The following OSBPL9 variants were observed in gnomAD, a reference collection of about 807,000 sequenced individuals.
The protein encoded by OSBPL9 is oxysterol binding protein like 9, also known as oxysterol-binding protein-related protein 9.
In OSBPL9, 40 loss-of-function variants were observed where a neutral mutation model predicts 106.6. The observed-to-expected ratio is 0.38, with a 90% CI of 0.29 to 0.49. OSBPL9 has a LOEUF of 0.49. OSBPL9 is among the 20% of genes least tolerant of loss of function. The probability of loss-of-function intolerance (pLI) is 0.97; values close to 1 mark genes in which losing one functional copy is unlikely to be tolerated. For synonymous variants in OSBPL9, 269 were observed against 295.4 expected (o/e 0.91, Z 0.92); for missense variants, 609 against 887.2 (o/e 0.69, Z 3.98).
At chr1:51,606,998 C>T (rs1038247013) in intron 2 of OSBPL9, among the ~76,000 whole-genome samples, 1 of 151,102 alleles carries the variant, frequency 6.6e-6, no homozygotes, top group Non-Finnish European at 1.5e-5. Context: ...TGCAGTGAGC[C>T]GAGATCGCGC....
chr1:51,612,002 A>G (rs1321207330), intron 2 of OSBPL9, among the ~76,000 whole-genome samples: 1 of 152,172 alleles, frequency 6.6e-6, no homozygotes, highest in Non-Finnish European at 1.5e-5. Context: ...AAATACATAC[A>G]TACAAAACAA....
At chr1:51,659,971 T>C (rs1335231656) in intron 2 of OSBPL9, among the ~76,000 whole-genome samples, 2 of 152,080 alleles carry the variant, frequency 1.3e-5, no homozygotes, top group Non-Finnish European at 2.9e-5. Context: ...GGTGGTGTTA[T>C]AAGAGACAGA....
At chr1:51,530,183 A>AAAAAAAAAAC in the OSBPL9 span, among the ~76,000 whole-genome samples, 1 of 107,208 alleles carries the variant, frequency 9.3e-6, no homozygotes, top group Non-Finnish European at 1.9e-5. Flanking sequence ...AAAAAAAAAA[A>AAAAAAAAAAC]AAAAAAAAAC....
chr1:51,548,963 A>T, the OSBPL9 span, among the ~76,000 whole-genome samples: 1 of 152,228 alleles, frequency 6.6e-6, no homozygotes, highest in East Asian at 1.9e-4. Context: ...CACCATCCAC[A>T]CCAGTCCTCC....
At chr1:51,572,733 T>C (rs1365898572), upstream of OSBPL9, among the ~76,000 whole-genome samples, 2 of 152,166 alleles carry the variant, frequency 1.3e-5, no homozygotes, top group African/African-American at 4.8e-5. Flanking sequence ...TAATCACATA[T>C]TAAAGTTGTT....
intron 1 of OSBPL9, among the ~76,000 whole-genome samples, chr1:51,580,301 T>C (rs925566592): frequency 5.3e-5 from 8 of 152,258 alleles, no homozygotes; most frequent in Non-Finnish European, 1.2e-4. Flanking sequence ...CATTTATAAA[T>C]AAGGATTATA....
the OSBPL9 span, among the ~76,000 whole-genome samples, chr1:51,522,282 A>G: frequency 2.3e-4 from 35 of 152,380 alleles, 1 homozygote; most frequent in South Asian, 6.4e-3. Context: ...AAAAAGAATC[A>G]GATGCCCTAG....
At position 51,669,457 on chromosome 1, in the gene OSBPL9, T is replaced by C. The variant is rs1310955120; in HGVS notation, c.186T>C (p.Asp62=). 1 of 1,614,102 alleles carries C rather than the reference T, an allele frequency of 6.2e-7. No individual in the cohort carries two copies. The highest frequency in any genetic ancestry group is 1.7e-5 in the Admixed American group (1 of 60,018). Residue 62 remains aspartate (D), a synonymous_variant, in exon 3 of 24, where the codon GAT becomes GAC. Coordinates refer to ENST00000428468, the MANE Select transcript of OSBPL9 (RefSeq NM_024586.6). Reference sequence around the variant, plus strand: ...AGGGAGCTGTGATTGGTATAGACGATGAGGACGACAGCACCTTCACAATAA... The same window carrying C: ...AGGGAGCTGTGATTGGTATAGACGACGAGGACGACAGCACCTTCACAATAA... ...RLRGAVIGID[D]EDDSTFTITV... is the part of the protein sequence containing the mutation.
chr1:51,548,114 G>C, the OSBPL9 span, among the ~76,000 whole-genome samples: 16 of 152,078 alleles, frequency 1.1e-4, no homozygotes, highest in African/African-American at 3.4e-4. Context: ...ATCTGGAGGA[G>C]TATGGTTCAG....
At position 51,704,598 on chromosome 1, in the gene OSBPL9, T is replaced by G. The variant is rs116849638; in HGVS notation, c.242-9405T>G. Among the ~76,000 whole-genome samples, 12 of 152,278 alleles carry G rather than the reference T, an allele frequency of 7.9e-5. No homozygotes were observed. In the East Asian group the frequency reaches 2.1e-3, roughly 27 times the overall value. ...TCCTCACAGTTCTGGAGGCTGGAAG[T>G]TTAGATCAGGATGCCAGCATGGTCA... On this transcript the variant is annotated intron_variant, in intron 3 of 23. Coordinates refer to ENST00000428468, the MANE Select transcript of OSBPL9 (RefSeq NM_024586.6).
the OSBPL9 span, among the ~76,000 whole-genome samples, chr1:51,551,997 GTGT>G: frequency 3.3e-5 from 5 of 151,966 alleles, no homozygotes; most frequent in East Asian, 9.7e-4. Context: ...GTGTGTGTGT[GTGT>G]TTAGTTTGTT....
intron 2 of OSBPL9, among the ~76,000 whole-genome samples, chr1:51,603,165 CAAAA>C (rs140160724): frequency 9.3e-4 from 141 of 151,498 alleles, no homozygotes; most frequent in African/African-American, 3.3e-3. Flanking sequence ...AAAACAAAAA[CAAAA>C]AAAACACTTT....
Position 51,606,706 on chromosome 1 carries a change from A to G in OSBPL9, c.-352-7599A>G, listed in dbSNP as rs535034346. On this transcript the variant is annotated intron_variant, in intron 2 of 25. Coordinates refer to the OSBPL9 transcript ENST00000371714. ...TAAAATATATTTTTTATCCTTTACA[A>G]AATGGCTTTTTAAGTAGTTACAAGT... is the stretch of plus-strand genomic sequence containing the variant. Among the ~76,000 whole-genome samples, 3 of 152,346 alleles carry G rather than the reference A, an allele frequency of 2.0e-5. No homozygotes were observed. In the South Asian group the frequency reaches 6.2e-4, roughly 32 times the overall value.
intron 5 of OSBPL9, 148 bp from the exon 6 acceptor site, chr1:51,746,562 A>G: frequency 1.7e-6 from 1 of 591,436 alleles, no homozygotes; most frequent in South Asian, 2.9e-5. Flanking sequence ...AGTGCTCGAA[A>G]AAAAATACAT....
intron 2 of OSBPL9, among the ~76,000 whole-genome samples, chr1:51,601,489 C>G (rs905464700): frequency 1.3e-5 from 2 of 152,208 alleles, no homozygotes; most frequent in Non-Finnish European, 2.9e-5. Context: ...CTTCATCTCC[C>G]CCATGGGTTC....
chr1:51,632,703 T>C (rs933419199), intron 1 of OSBPL9, among the ~76,000 whole-genome samples: 11 of 137,112 alleles, frequency 8.0e-5, no homozygotes, highest in African/African-American at 3.0e-4. Flanking sequence ...TCTCAGAATT[T>C]GTGAGTGATG....
chr1:51,760,861 C>A, intron 10 of OSBPL9, 81 bp downstream of exon 10: 1 of 1,443,588 alleles, frequency 6.9e-7, no homozygotes, highest in Non-Finnish European at 9.5e-7. Context: ...TTAGCTATTA[C>A]TGTTTATTTT....
the OSBPL9 span, among the ~76,000 whole-genome samples, chr1:51,554,576 G>A: frequency 6.6e-6 from 1 of 152,188 alleles, no homozygotes; most frequent in Non-Finnish European, 1.5e-5. Flanking sequence ...CGTTTGGAAA[G>A]TGCTGACAGA....
rs370191394 is a variant in OSBPL9, at chr1:51,772,642, G to A, written c.1089G>A (p.Ala363=). The change falls in exon 14 of 24, where the codon GCG becomes GCA. Residue 363 remains alanine, a synonymous_variant. Coordinates refer to ENST00000428468, the MANE Select transcript of OSBPL9 (RefSeq NM_024586.6). ...FDSHDDRDDD[A]EAGSVEEHKS... ...CACATGATGACAGAGATGATGATGC[G>A]GAGGCAGGGTCTGTGGAGGAGCACA... 99 of 1,614,020 alleles carry A rather than the reference G, an allele frequency of 6.1e-5. No homozygotes were observed. The East Asian group carries it at 8.0e-4, about 13-fold the overall frequency.
Sources: gnomAD v4.1 joint callset for allele counts (sites outside exome capture counted in the v4.1 genomes callset) on GRCh38, gnomAD v4.1.1 for gene constraint, MANE v1.5 for transcripts, NCBI Gene and HGNC (gene_info 2026-07-23, HGNC 2026-07-21) for gene names.